The following ATG9A variants were observed in gnomAD, a reference collection of about 807,000 sequenced individuals.
The protein encoded by ATG9A is autophagy-related protein 9A.
A neutral mutation model predicts 87.1 loss-of-function variants in ATG9A; 21 were observed. The observed-to-expected ratio is 0.24, with a 90% CI of 0.17 to 0.35. ATG9A has a LOEUF of 0.35. ATG9A is among the 10% of genes least tolerant of loss of function. The pLI, the probability that ATG9A is intolerant of heterozygous loss-of-function variation, is 1.00. For missense variants in ATG9A, 836 were observed against 1,107.3 expected (o/e 0.76, Z 3.48); for synonymous variants, 422 against 441.3 (o/e 0.96, Z 0.55).
At chr2:219,221,861 T>C (rs1950767333) in intron 13 of ATG9A, among the ~76,000 whole-genome samples, 189 bp downstream of exon 13, 1 of 152,064 alleles carries the variant, frequency 6.6e-6, no homozygotes, top group South Asian at 2.1e-4. Flanking sequence ...GGGAACTGGA[T>C]TCTAGGCAGG....
chr2:219,223,213 G>C lies in ATG9A; in HGVS notation c.1600-320C>G, dbSNP rs914427283. On this transcript the variant is annotated intron_variant, in intron 10 of 15. Transcript: ENST00000361242. The surrounding 1 kb of genome is among the most constrained non-coding windows in gnomAD (Gnocchi z 4.7). ...CGCCATTCTCCTGCCTCAGCCTCCCGAGTAGCTGGGACTACAGGCGCCCGC... is the reference window on the plus strand; with the variant it reads ...CGCCATTCTCCTGCCTCAGCCTCCCCAGTAGCTGGGACTACAGGCGCCCGC... Among the ~76,000 whole-genome samples the C allele has an allele frequency of 6.6e-6, 1 of 150,600 alleles. No individual in the cohort carries two copies. The highest frequency in any genetic ancestry group is 1.5e-5 in the Non-Finnish European group (1 of 67,818).
At chr2:219,221,443 G>C (rs1345743577) in intron 13 of ATG9A, 141 bp from the exon 14 acceptor site, 10 of 728,610 alleles carry the variant, frequency 1.4e-5, no homozygotes, top group African/African-American at 3.6e-5. Flanking sequence ...TGTTAATAGT[G>C]TGTAATATAC....
chr2:219,225,350 C>CT, intron 6 of ATG9A, 61 bp downstream of exon 6: 2 of 1,600,530 alleles, frequency 1.2e-6, no homozygotes, highest in Admixed American at 3.4e-5. Flanking sequence ...AGACTCCACT[C>CT]TATTACCCAC....
In ATG9A at chr2:219,224,720, G is replaced by C; in HGVS notation, c.651C>G (p.Asn217Lys). Residue 217 changes from asparagine to lysine, a missense_variant, in exon 8 of 16, where the codon AAC becomes AAG. By Grantham distance (94) the Asn-to-Lys change is moderately conservative. This residue lies in a region of ATG9A where 512 missense variants were observed against 759.6 expected (regional missense o/e 0.67). Coordinates refer to ENST00000361242, the MANE Select transcript of ATG9A (RefSeq NM_001077198.3). This position sits in a 1 kb window ranked among gnomAD's most constrained non-coding sequence, Gnocchi z 7.7. ...ATTTGTTAACCAGTGCCACCATGTA[G>C]TTCTGGAAACGGAGGATGCGGTGGT... ...DIYHRILRFQ[N>K]YMVALVNKSL... The C allele has an allele frequency of 6.2e-7, 1 of 1,614,256 alleles. No homozygotes were observed. The highest frequency in any genetic ancestry group is 8.5e-7 in the Non-Finnish European group (1 of 1,180,052).
chr2:219,227,898 T>C (rs746312169), intron 3 of ATG9A, 24 bp downstream of exon 3: 18 of 1,613,370 alleles, frequency 1.1e-5, no homozygotes, highest in Admixed American at 5.0e-5. Flanking sequence ...ACTCTCCCTA[T>C]GGCTGTCATA....
In ATG9A at chr2:219,222,368, T is replaced by C. The variant is rs1950778912; in HGVS notation, c.1931A>G (p.His644Arg). 6.2e-7 allele frequency: 1 copy of C among 1,611,712 alleles called. No individual in the cohort carries two copies. Among genetic ancestry groups the C allele is most frequent in the African/African-American group, 1.3e-5 (1 of 75,006 alleles). ...CAGGGCAGAGGCGACTTCAGCCCTG[T>C]GCCTGGAGCCCTGCAGGTCTCTGGG... ...PLPRDLQGSR[H>R]RAEVASALRS... Residue 644 changes from histidine (H) to arginine (R), a missense_variant, in exon 12 of 16, where the codon CAC becomes CGC. His to Arg is a conservative substitution (Grantham distance 29, BLOSUM62 0). Transcript: ENST00000361242. The surrounding 1 kb of genome is among the most constrained non-coding windows in gnomAD (Gnocchi z 4.3).
Position 219,224,661 on chromosome 2 carries a change from A to T in ATG9A, c.710T>A (p.Leu237His). Residue 237 changes from leucine to histidine, a missense_variant, in exon 8 of 16, where the codon CTC (leucine) becomes CAC (histidine). Leu to His is a moderately conservative substitution (Grantham distance 99). This residue lies in a region of ATG9A where 512 missense variants were observed against 759.6 expected (regional missense o/e 0.67). Coordinates refer to ENST00000361242, the MANE Select transcript of ATG9A (RefSeq NM_001077198.3). The surrounding 1 kb of genome is among the most constrained non-coding windows in gnomAD (Gnocchi z 7.7). The stretch of plus-strand genomic sequence containing the variant: ...ACGGGTGAAGAAGACAGCTTCCCCG[A>T]GGCCAGGCAGGCGGAAGCGCAGAGG... Reference protein sequence around the residue: ...LLPLRFRLPGLGEAVFFTRGL... With the variant: ...LLPLRFRLPGHGEAVFFTRGL... 6.2e-7 allele frequency: 1 copy of T among 1,614,236 alleles called. No homozygotes were observed. The highest frequency in any genetic ancestry group is 8.5e-7 in the Non-Finnish European group (1 of 1,180,046).
In ATG9A at chr2:219,223,264, A is replaced by AT. The variant is rs1293579511; in HGVS notation, c.1599+320dup. On this transcript the variant is annotated intron_variant, in intron 10 of 15. Transcript: ENST00000361242. This position sits in a 1 kb window ranked among gnomAD's most constrained non-coding sequence, Gnocchi z 4.7. ...TACCACGCCTGGCTAATTTTTTTGT[A>AT]TTTTTAGTAGAGAAGGGGTTTCACC... Among the ~76,000 whole-genome samples, 3 of 151,438 alleles carry AT rather than the reference A, an allele frequency of 2.0e-5. No homozygotes were observed. The highest frequency in any genetic ancestry group is 2.9e-5 in the Non-Finnish European group (2 of 67,924).
rs369753732 is a variant in ATG9A at position 219,222,060 on chromosome 2, T to C, written c.2135A>G (p.Tyr712Cys). 98 of 1,613,862 alleles carry C rather than the reference T, an allele frequency of 6.1e-5. No homozygotes were observed. In the African/African-American group the frequency reaches 1.1e-3, roughly 18 times the overall value. The part of the protein sequence containing the change: ...ASTEMSLHAL[Y>C]MHQLHKQQAQ... ...TAGCTGTGCACTCACCTGGTGCATA[T>C]AGAGGGCATGCAGGCTCATCTCTGT... is the stretch of plus-strand genomic sequence containing the variant. Residue 712 changes from tyrosine (Y) to cysteine (C), a missense_variant, in exon 13 of 16, where the codon TAT becomes TGT. By Grantham distance (194) the Tyr-to-Cys change is radical. Around this residue, in one of 2 missense-constraint regions of ATG9A, gnomAD observed 324 missense variants for 347.6 expected, o/e 0.93. Coordinates refer to ENST00000361242, the MANE Select transcript of ATG9A (RefSeq NM_001077198.3). This position sits in a 1 kb window ranked among gnomAD's most constrained non-coding sequence, Gnocchi z 4.3.
rs576176112 is a variant in ATG9A, at chr2:219,226,631, C to T, written c.212+238G>A. On this transcript the variant is annotated intron_variant, in intron 5 of 15. Coordinates refer to ENST00000361242, the MANE Select transcript of ATG9A (RefSeq NM_001077198.3). The stretch of plus-strand genomic sequence containing the variant: ...TGAACCTGGGAGGCAGAGGTTGCAC[C>T]GAGCCAAGACCACTGCACTCCTGCC... 3.0e-4 allele frequency among the ~76,000 whole-genome samples: 45 copies of T among 152,064 alleles called. 1 individual carries two copies. Among genetic ancestry groups the T allele is most frequent in the Non-Finnish European group, 5.4e-4 (37 of 67,980 alleles).
In ATG9A at chr2:219,221,318, G is replaced by A. The variant is rs374262969; in HGVS notation, c.2146-16C>T. 191 of 1,540,664 alleles carry A rather than the reference G, an allele frequency of 1.2e-4. No individual in the cohort carries two copies. The highest frequency in any genetic ancestry group is 1.6e-4 in the Non-Finnish European group (188 of 1,144,320). The stretch of plus-strand genomic sequence containing the variant: ...GCTTGTGGAGCTGGAGAAATGGGGG[G>A]CTCGTTAGTGGGGGACAGACGGATG... On this transcript the variant is annotated splice_polypyrimidine_tract_variant and intron_variant, in intron 13 of 15. Transcript: ENST00000361242.
chr2:219,222,192 A>C lies in ATG9A; in HGVS notation c.2028-25T>G. 2 of 1,613,290 alleles carry C rather than the reference A, an allele frequency of 1.2e-6. No individual in the cohort carries two copies. Among genetic ancestry groups the C allele is most frequent in the African/African-American group, 2.7e-5 (2 of 75,032 alleles). The stretch of plus-strand genomic sequence containing the variant: ...CCTGTCTCTCCCAACAGAGACAGAC[A>C]GCAGCTGTGAACTTCTCTGAGACCC... On this transcript the variant is annotated intron_variant, in intron 12 of 15. Coordinates refer to ENST00000361242, the MANE Select transcript of ATG9A (RefSeq NM_001077198.3). The surrounding 1 kb of genome is among the most constrained non-coding windows in gnomAD (Gnocchi z 4.3).
At position 219,225,401 on chromosome 2, in the gene ATG9A, C is replaced by G. The variant is rs1217985801; in HGVS notation, c.374+10G>C. ...AAGGCTATGGTGTCCTCTTGACTTG[C>G]AGCCCTTACCTGGCACTACAGACTT... On this transcript the variant is annotated intron_variant, in intron 6 of 15. Transcript: ENST00000361242. 6.2e-7 allele frequency: 1 copy of G among 1,613,088 alleles called. No individual in the cohort carries two copies. The highest frequency in any genetic ancestry group is 1.3e-5 in the African/African-American group (1 of 74,910).
rs879321473 is a variant in ATG9A, at chr2:219,219,851, C to G, written c.*596G>C. On this transcript the variant is annotated 3_prime_UTR_variant, in exon 16 of 16. Transcript: ENST00000361242. ...GGGAGCTGGACGCTAGGGTCTTCAC[C>G]CTAACGCAAAGCAAAAGCCGAACGG... is the stretch of plus-strand genomic sequence containing the variant. 2 of 153,102 alleles carry G rather than the reference C, an allele frequency of 1.3e-5. No individual in the cohort carries two copies. The highest frequency in any genetic ancestry group is 2.4e-5 in the African/African-American group (1 of 41,442). 9.5% of individuals were successfully genotyped at this position (153,102 alleles called of 1,614,324 possible). A position where few individuals can be genotyped will look rare whatever the true frequency, so the allele number is the denominator to read the frequency against.
chr2:219,221,187 TG>T lies in ATG9A; in HGVS notation c.2260del (p.Gln754SerfsTer90). ...ATAGCTAGCAGAGCGAGGGATAGACTGGGGGGCCCGGGCGCCCTCTCCCCCT... is the reference window on the plus strand; with the variant it reads ...ATAGCTAGCAGAGCGAGGGATAGACTGGGGGCCCGGGCGCCCTCTCCCCCT... Reference protein sequence around the residue: ...DEGGEGARAPQSIPRSASYPC... With the variant: ...DEGGEGARAPXSIPRSASYPC... On this transcript the variant is annotated frameshift_variant, in exon 14 of 16. Coordinates refer to ENST00000361242, the MANE Select transcript of ATG9A (RefSeq NM_001077198.3). LOFTEE classifies it high-confidence loss of function. The T allele has an allele frequency of 1.3e-6, 2 of 1,597,342 alleles. No individual in the cohort carries two copies. Among genetic ancestry groups the T allele is most frequent in the Admixed American group, 1.7e-5 (1 of 57,170 alleles).
At position 219,222,657 on chromosome 2, in the gene ATG9A, T is replaced by C. The variant is rs768570243; in HGVS notation, c.1836A>G (p.Gln612=). The C allele has an allele frequency of 3.7e-6, 6 of 1,613,952 alleles. No homozygotes were observed. The highest frequency in any genetic ancestry group is 2.7e-5 in the African/African-American group (2 of 74,914). ...ACCAGGAACACACCTCAGACTCAGATTGTAAGGACTGGATAGACGTAAAGA... is the reference window on the plus strand; with the variant it reads ...ACCAGGAACACACCTCAGACTCAGACTGTAAGGACTGGATAGACGTAAAGA... ...NALFTSIQSL[Q]SESEPLSLIA... Residue 612 remains glutamine (Q), a synonymous_variant, in exon 11 of 16, where the codon CAA becomes CAG. Coordinates refer to ENST00000361242, the MANE Select transcript of ATG9A (RefSeq NM_001077198.3). The surrounding 1 kb of genome is among the most constrained non-coding windows in gnomAD (Gnocchi z 4.3).
Position 219,222,319 on chromosome 2 carries a change from G to T in ATG9A, c.1980C>A (p.Pro660=). The change falls in exon 12 of 16, where the codon CCC becomes CCA. Residue 660 remains proline (P), a synonymous_variant. Coordinates refer to ENST00000361242, the MANE Select transcript of ATG9A (RefSeq NM_001077198.3). The surrounding 1 kb of genome is among the most constrained non-coding windows in gnomAD (Gnocchi z 4.3). ...SALRSFSPLQ[P]GQAPTGRAHS... ...GAGCCCGGCCTGTGGGCGCCTGCCC[G>T]GGTTGCAGCGGGGAGAAGGAGCGCA... The T allele has an allele frequency of 1.2e-6, 2 of 1,613,370 alleles. No individual in the cohort carries two copies. Among genetic ancestry groups the T allele is most frequent in the Non-Finnish European group, 1.7e-6 (2 of 1,180,026 alleles).
At chr2:219,225,819 C>T (rs1401399326) in intron 5 of ATG9A, among the ~76,000 whole-genome samples, 1 of 152,236 alleles carries the variant, frequency 6.6e-6, no homozygotes, top group Non-Finnish European at 1.5e-5. Context: ...GCCACCACTA[C>T]TGGACTCTCG....
rs752287215 is a variant in ATG9A, at chr2:219,222,274, A to G, written c.2025T>C (p.Ser675=). The G allele has an allele frequency of 1.2e-6, 2 of 1,613,368 alleles. No individual in the cohort carries two copies. Among genetic ancestry groups the G allele is most frequent in the Admixed American group, 3.3e-5 (2 of 60,010 alleles). Residue 675 remains serine, a splice_region_variant and synonymous_variant, in exon 12 of 16, where the codon TCT becomes TCC. Coordinates refer to ENST00000361242, the MANE Select transcript of ATG9A (RefSeq NM_001077198.3). This position sits in a 1 kb window ranked among gnomAD's most constrained non-coding sequence, Gnocchi z 4.3. ...CATCTTGGCCCCGATTTACTCACCC[A>G]GAGCCTGTCATGGTGCTGTGAGCCC... ...TGRAHSTMTG[S]GVDARTASSG... is the part of the protein sequence containing the mutation.
Sources: gnomAD v4.1 joint callset for allele counts (sites outside exome capture counted in the v4.1 genomes callset) on GRCh38, gnomAD v4.1.1 for gene constraint, gnomAD v4.1.1 regional missense constraint, Gnocchi (gnomAD v3.1) non-coding constraint, MANE v1.5 for transcripts, NCBI Gene and HGNC (gene_info 2026-07-23, HGNC 2026-07-21) for gene names.